Variants in YY1AP1 observed in about 807,000 individuals in gnomAD.
The protein encoded by YY1AP1 is YY1 associated protein 1.
In YY1AP1, 43 loss-of-function variants were observed where a neutral mutation model predicts 39.9. The observed-to-expected ratio is 1.08, with a 90% CI of 0.84 to 1.39. The LOEUF (loss-of-function observed/expected upper bound fraction) is 1.39, where lower values mean the gene tolerates loss of function less well. Among genes scored for constraint, YY1AP1 ranks in the 40% most tolerant of loss-of-function variants. The pLI, the probability that YY1AP1 is intolerant of heterozygous loss-of-function variation, is 0.00. For synonymous variants in YY1AP1, 292 were observed against 331.3 expected (o/e 0.88, Z 1.29); for missense variants, 813 against 900.7 (o/e 0.90, Z 1.25).
At chr1:155,669,328 A>G (rs1471611217) in intron 8 of YY1AP1, among the ~76,000 whole-genome samples, 1 of 152,192 alleles carries the variant, frequency 6.6e-6, no homozygotes, top group African/African-American at 2.4e-5. Flanking sequence ...GTGAGCCACC[A>G]TGGCTGGCCA....
Position 155,660,838 on chromosome 1 carries a change from T to C in YY1AP1, c.1072A>G (p.Thr358Ala). Reference protein sequence around the residue: ...GAREVGNMTGTTEINSDQGLE... With the variant: ...GAREVGNMTGATEINSDQGLE... ...CCTTGATCTGAGTTGATCTCAGTGG[T>C]TCCAGTCATATTTCCTACCTCTCTA... The change falls in exon 11 of 11, where the codon ACC (threonine) becomes GCC (alanine). Residue 358 changes from threonine (T) to alanine (A), a missense_variant. Around this residue, in one of 3 missense-constraint regions of YY1AP1, gnomAD observed 586 missense variants for 647.4 expected, o/e 0.91. Transcript: ENST00000355499. 6.2e-7 allele frequency: 1 copy of C among 1,614,234 alleles called. No individual in the cohort carries two copies. The highest frequency in any genetic ancestry group is 1.1e-5 in the South Asian group (1 of 91,084).
At chr1:155,669,136 C>T (rs748869005) in intron 8 of YY1AP1, among the ~76,000 whole-genome samples, 1 of 152,164 alleles carries the variant, frequency 6.6e-6, no homozygotes, top group Non-Finnish European at 1.5e-5. Context: ...TGGGTTCAAT[C>T]GATTCCCGCA....
chr1:155,676,309 T>A (rs568232015), intron 5 of YY1AP1, among the ~76,000 whole-genome samples: 1 of 152,332 alleles, frequency 6.6e-6, no homozygotes, highest in South Asian at 2.1e-4. Flanking sequence ...TACTGAGGAC[T>A]CTTTGAAATC....
chr1:155,673,191 T>C (rs1400186756), intron 6 of YY1AP1, among the ~76,000 whole-genome samples: 1 of 152,108 alleles, frequency 6.6e-6, no homozygotes, highest in East Asian at 1.9e-4. Flanking sequence ...GATTTTTGTA[T>C]TTTTTGCAGA....
intron 7 of YY1AP1, among the ~76,000 whole-genome samples, chr1:155,672,106 A>ACATTT (rs1649947313): frequency 6.6e-6 from 1 of 152,228 alleles, no homozygotes; most frequent in Non-Finnish European, 1.5e-5. Context: ...TTGCAAGTCA[A>ACATTT]CATTTCATTC....
At position 155,688,116 on chromosome 1, in the gene YY1AP1, A is replaced by AGG. The variant is rs938138290; in HGVS notation, c.-68_-67dup. Reference sequence around the variant, plus strand: ...ATGAGAGTACAGGGAAGTGAGGAAGAGGGGGTGGCCGCCAGGCTCCTCCGC... The same window carrying AGG: ...ATGAGAGTACAGGGAAGTGAGGAAGAGGGGGGGTGGCCGCCAGGCTCCTCCGC... On this transcript the variant is annotated 5_prime_UTR_variant, in exon 2 of 11. Transcript: ENST00000355499. 1.9e-6 allele frequency: 3 copies of AGG among 1,610,868 alleles called. No homozygotes were observed. The South Asian group carries it at 3.3e-5, about 18-fold the overall frequency.
Position 155,660,577 on chromosome 1 carries a change from T to A in YY1AP1, c.1333A>T (p.Lys445Ter). The A allele has an allele frequency of 1.2e-6, 2 of 1,614,140 alleles. No individual in the cohort carries two copies. Among genetic ancestry groups the A allele is most frequent in the Non-Finnish European group, 1.7e-6 (2 of 1,180,000 alleles). ...QSTHSEAPPS[K>*]MVLRIPHPIQ... ...GGGTGAGGAATCCGGAGCACCATTT[T>A]GCTCGGAGGGGCTTCTGAATGAGTT... The change falls in exon 11 of 11, where the codon AAA (lysine) becomes TAA (stop). Residue 445 changes from lysine to a stop codon, truncating the protein, a stop_gained. Transcript: ENST00000355499. LOFTEE classifies it low-confidence loss of function (END_TRUNC).
intron 8 of YY1AP1, 110 bp downstream of exon 8, chr1:155,670,210 C>A: frequency 6.8e-7 from 1 of 1,477,646 alleles, no homozygotes; most frequent in Non-Finnish European, 9.4e-7. Context: ...ATCTATACTG[C>A]TTTTCCTTTT....
chr1:155,667,691 A>C (rs1463581867), intron 9 of YY1AP1, among the ~76,000 whole-genome samples: 1 of 151,252 alleles, frequency 6.6e-6, no homozygotes, highest in East Asian at 2.0e-4. Flanking sequence ...GCATGGTGGC[A>C]GGGGCCTGTA....
chr1:155,677,666 G>C (rs1051508451), intron 4 of YY1AP1, among the ~76,000 whole-genome samples: 1 of 152,164 alleles, frequency 6.6e-6, no homozygotes, highest in South Asian at 2.1e-4. Flanking sequence ...TTCTTTTATA[G>C]TATTTACTGT....
At chr1:155,665,784 CAAAAAAAAAAAA>C (rs58155011) in intron 9 of YY1AP1, among the ~76,000 whole-genome samples, 15 of 35,046 alleles carry the variant, frequency 4.3e-4, no homozygotes, top group Non-Finnish European at 7.0e-4. Flanking sequence ...CTCTGTGTCT[CAAAAAAAAAAAA>C]AAAAAAAAAA....
intron 2 of YY1AP1, among the ~76,000 whole-genome samples, chr1:155,687,780 T>C (rs2149083815): frequency 6.8e-6 from 1 of 148,024 alleles, no homozygotes; most frequent in Middle Eastern, 3.4e-3. Flanking sequence ...GAGGCTCCGA[T>C]CATGCCTACA....
intron 3 of YY1AP1, 126 bp from the exon 4 acceptor site, chr1:155,679,638 C>T (rs902567665): frequency 5.8e-6 from 9 of 1,545,148 alleles, no homozygotes; most frequent in Admixed American, 2.0e-5. Context: ...AAAGAGCCTA[C>T]ATCAGAACCT....
intron 9 of YY1AP1, among the ~76,000 whole-genome samples, chr1:155,665,683 T>C (rs1401019467): frequency 7.0e-6 from 1 of 142,342 alleles, no homozygotes; most frequent in African/African-American, 2.6e-5. Context: ...GAGGCTGAGG[T>C]GGGTGGATCC....
In YY1AP1 at chr1:155,659,892, G is replaced by C; in HGVS notation, c.2018C>G (p.Pro673Arg). ...ELSPLSATVF[P>R]KVEHSPGPPP... is the part of the protein sequence containing the mutation. ...AGGCCCTGGGCTATGTTCCACTTTG[G>C]GGAAAACAGTAGCAGAGAGAGGAGA... The change falls in exon 11 of 11, where the codon CCC (proline) becomes CGC (arginine). Residue 673 changes from proline to arginine, a missense_variant. Pro to Arg is a moderately radical substitution (Grantham distance 103, BLOSUM62 -2). Transcript: ENST00000355499. The C allele has an allele frequency of 1.9e-6, 3 of 1,614,194 alleles. No homozygotes were observed. The highest frequency in any genetic ancestry group is 2.5e-6 in the Non-Finnish European group (3 of 1,180,032).
chr1:155,679,787 C>T, intron 3 of YY1AP1: 20 of 1,287,810 alleles, frequency 1.6e-5, no homozygotes, highest in Non-Finnish European at 2.0e-5. Flanking sequence ...ACAGAAATAT[C>T]TTTTTAGACA....
intron 1 of YY1AP1, 139 bp downstream of exon 1, chr1:155,688,520 G>A: frequency 6.5e-7 from 1 of 1,545,102 alleles, no homozygotes; most frequent in South Asian, 1.2e-5. Context: ...GTCGCTGGCT[G>A]CTCCCACCAA....
chr1:155,665,485 G>A (rs1193941723), intron 9 of YY1AP1, among the ~76,000 whole-genome samples: 1 of 151,936 alleles, frequency 6.6e-6, no homozygotes, highest in Admixed American at 6.6e-5. Context: ...TATAATCCCA[G>A]CTACTCGGGA....
chr1:155,662,051 ATCT>A (rs1161269973), intron 9 of YY1AP1, among the ~76,000 whole-genome samples: 1 of 152,216 alleles, frequency 6.6e-6, no homozygotes, highest in East Asian at 1.9e-4. Context: ...GCTAAGAGCA[ATCT>A]TATGTAAGAT....
Sources: gnomAD v4.1 joint callset for allele counts (sites outside exome capture counted in the v4.1 genomes callset) on GRCh38, gnomAD v4.1.1 for gene constraint, gnomAD v4.1.1 regional missense constraint, MANE v1.5 for transcripts, NCBI Gene and HGNC (gene_info 2026-07-23, HGNC 2026-07-21) for gene names.